The following DNAI7 variants were observed in gnomAD, a reference collection of about 807,000 sequenced individuals.
DNAI7 encodes the protein dynein axonemal intermediate chain 7, also known as cancer susceptibility 1.
A neutral mutation model predicts 86.6 loss-of-function variants in DNAI7; 78 were observed. That is an observed-to-expected ratio of 0.90 (90% confidence interval 0.75 to 1.09). The LOEUF (loss-of-function observed/expected upper bound fraction) is 1.09. Ranked by LOEUF, DNAI7 falls within the 50% of genes least tolerant of loss-of-function variation. DNAI7 has a pLI of 0.00. For missense variants in DNAI7, 753 were observed against 810.2 expected, an observed-to-expected ratio of 0.93 and a Z score of 0.86; for synonymous variants, 274 against 273.0, an observed-to-expected ratio of 1.00 and a Z score of -0.04.
chr12:25,149,786 AAG>A lies in DNAI7; in HGVS notation c.439-14_439-13del. 7.0e-7 allele frequency: 1 copy of A among 1,437,002 alleles called. No individual in the cohort carries two copies. Among genetic ancestry groups the A allele is most frequent in the Non-Finnish European group, 9.7e-7 (1 of 1,030,524 alleles). The allele number at this position is 1,437,002 out of a possible 1,614,324, so 89.0% of individuals were successfully genotyped here. The stretch of plus-strand genomic sequence containing the variant: ...AATTTCTCAATTAACTGTAAAGTAA[AAG>A]AATATTTGCATTAATTCTCAGAGAA... On this transcript the variant is annotated splice_polypyrimidine_tract_variant and intron_variant, in intron 6 of 15. Coordinates refer to ENST00000395987, the MANE Select transcript of DNAI7 (RefSeq NM_018272.5).
downstream of DNAI7, chr12:25,108,073 CTAATATATGGATCTTGATTTTT>C: frequency 1.2e-6 from 2 of 1,608,762 alleles, no homozygotes; most frequent in Non-Finnish European, 1.7e-6. Flanking sequence ...GCAGGACATC[CTAATATATGGATCTTGATTTTT>C]AAGTTTCAGT....
chr12:25,177,018 T>C (rs1949037547), intron 2 of DNAI7, among the ~76,000 whole-genome samples: 1 of 149,870 alleles, frequency 6.7e-6, no homozygotes, highest in African/African-American at 2.5e-5. Context: ...TTCTCCTGCC[T>C]CAACCTCCTG....
At chr12:25,134,352 C>CTTTTTTTTTTTTTTTT (rs5797119) in intron 9 of DNAI7, among the ~76,000 whole-genome samples, 1 of 91,178 alleles carries the variant, frequency 1.1e-5, no homozygotes, top group Non-Finnish European at 2.0e-5. Context: ...CCTTGGCGTA[C>CTTTTTTTTTTTTTTTT]TTTTTTTTTT....
intron 3 of DNAI7, among the ~76,000 whole-genome samples, chr12:25,159,007 C>T (rs1946537067): frequency 6.6e-6 from 1 of 152,214 alleles, no homozygotes. Context: ...ACCAGTTCAA[C>T]CAATGTGGAA....
chr12:25,117,372 A>C lies in DNAI7; in HGVS notation c.1396+1773T>G, dbSNP rs539775773. Among the ~76,000 whole-genome samples, 21 of 152,322 alleles carry C rather than the reference A, an allele frequency of 1.4e-4. No homozygotes were observed. The East Asian group carries it at 4.0e-3, about 29-fold the overall frequency. ...AAAATATTTAAACTTCTTGGTATAA[A>C]TTCCTAAATTCTCTGTTCCTAAATT... On this transcript the variant is annotated intron_variant, in intron 12 of 15. Transcript: ENST00000395987.
At chr12:25,119,947 G>T (rs959263726) in intron 11 of DNAI7, among the ~76,000 whole-genome samples, 8 of 152,262 alleles carry the variant, frequency 5.3e-5, no homozygotes, top group African/African-American at 1.9e-4. Flanking sequence ...AAAAAGCCTT[G>T]AAAATGAGGA....
chr12:25,114,134 T>C (rs1037692127), intron 13 of DNAI7, among the ~76,000 whole-genome samples: 8 of 151,974 alleles, frequency 5.3e-5, no homozygotes, highest in Non-Finnish European at 8.8e-5. Context: ...TTAGTAGGGC[T>C]TCACCATGTT....
intron 2 of DNAI7, among the ~76,000 whole-genome samples, chr12:25,167,664 T>C (rs1375919332): frequency 6.6e-6 from 1 of 152,148 alleles, no homozygotes; most frequent in African/African-American, 2.4e-5. Flanking sequence ...TGTCTCCCTA[T>C]ACCTCCGAAC....
rs972062097 is a variant in DNAI7 at position 25,195,109 on chromosome 12, A to T, written c.-31T>A. On this transcript the variant is annotated 5_prime_UTR_variant, in exon 1 of 16. Coordinates refer to ENST00000395987, the MANE Select transcript of DNAI7 (RefSeq NM_018272.5). ...GTCAAGCTCCACTGCAGTAGTCCGC[A>T]GAGTCGGAGCAGAAATTGTGTGGAC... 4.3e-6 allele frequency: 7 copies of T among 1,611,500 alleles called. No homozygotes were observed. Among genetic ancestry groups the T allele is most frequent in the Admixed American group, 1.7e-5 (1 of 60,006 alleles).
intron 2 of DNAI7, among the ~76,000 whole-genome samples, chr12:25,179,575 T>C (rs1949302926): frequency 1.3e-5 from 2 of 152,108 alleles, no homozygotes; most frequent in Non-Finnish European, 1.5e-5. Flanking sequence ...AAATTTAAAA[T>C]TAGATTTCCT....
At chr12:25,186,044 A>G (rs1950002135) in intron 2 of DNAI7, among the ~76,000 whole-genome samples, 1 of 152,210 alleles carries the variant, frequency 6.6e-6, no homozygotes, top group African/African-American at 2.4e-5. Context: ...ACTGAGACTA[A>G]CTGGAATCAT....
intron 2 of DNAI7, among the ~76,000 whole-genome samples, chr12:25,180,212 C>A (rs930891885): frequency 3.3e-5 from 5 of 152,116 alleles, no homozygotes; most frequent in Non-Finnish European, 7.4e-5. Flanking sequence ...AATAAAATAT[C>A]TAGAAATATA....
chr12:25,117,941 T>TC lies in DNAI7; in HGVS notation c.1396+1203_1396+1204insG, dbSNP rs59352722. Among the ~76,000 whole-genome samples, 24 of 139,578 alleles carry TC rather than the reference T, an allele frequency of 1.7e-4. 1 individual carries two copies. The highest frequency in any genetic ancestry group is 4.3e-4 in the East Asian group (2 of 4,640). The allele number at this position is 139,578 out of a possible 152,430, so 91.6% of individuals were successfully genotyped here. A position where few individuals can be genotyped will look rare whatever the true frequency, so the allele number is the denominator to read the frequency against. On this transcript the variant is annotated intron_variant, in intron 12 of 15. Coordinates refer to ENST00000395987, the MANE Select transcript of DNAI7 (RefSeq NM_018272.5). ...ACTATTTTGATATTTTCTTTTTCTT[T>TC]TTTTTTTTTTTTTTGAGACGGAGGG...
intron 5 of DNAI7, among the ~76,000 whole-genome samples, chr12:25,154,709 TA>T (rs1393029916): frequency 2.6e-5 from 4 of 152,230 alleles, no homozygotes; most frequent in African/African-American, 9.6e-5. Context: ...AAGCATTATT[TA>T]TAAGTAGTTT....
chr12:25,162,143 G>A (rs1946900646), intron 2 of DNAI7, among the ~76,000 whole-genome samples: 1 of 152,056 alleles, frequency 6.6e-6, no homozygotes. Context: ...GCAAGATAGG[G>A]AGCTGAATGG....
chr12:25,123,351 G>A, intron 9 of DNAI7, 65 bp from the exon 10 acceptor site: 1 of 1,092,130 alleles, frequency 9.2e-7, no homozygotes, highest in Non-Finnish European at 1.3e-6. Context: ...CATTGTCTTT[G>A]TGTTCCAGTC....
intron 13 of DNAI7, 100 bp downstream of exon 13, chr12:25,114,556 T>C (rs1014540307): frequency 8.5e-6 from 6 of 702,348 alleles, no homozygotes; most frequent in African/African-American, 1.8e-5. Flanking sequence ...TATTTCAATA[T>C]ATAAATCAGC....
At chr12:25,175,213 C>A (rs1035279405) in intron 2 of DNAI7, among the ~76,000 whole-genome samples, 1 of 152,090 alleles carries the variant, frequency 6.6e-6, no homozygotes, top group African/African-American at 2.4e-5. Context: ...ATCCTCTCTT[C>A]CACTCTACTC....
chr12:25,139,250 A>G (rs925479873), intron 9 of DNAI7, among the ~76,000 whole-genome samples: 3 of 152,224 alleles, frequency 2.0e-5, no homozygotes, highest in African/African-American at 7.2e-5. Flanking sequence ...GTCCAGAACC[A>G]GATGGATTCA....
Sources: gnomAD v4.1 joint callset for allele counts (sites outside exome capture counted in the v4.1 genomes callset) on GRCh38, gnomAD v4.1.1 for gene constraint, MANE v1.5 for transcripts, NCBI Gene and HGNC (gene_info 2026-07-23, HGNC 2026-07-21) for gene names.